ASZ1: variants seen among roughly 807,000 people sequenced by gnomAD.
The protein encoded by ASZ1 is ankyrin repeat, SAM and basic leucine zipper domain containing 1, also known as ankyrin repeat, SAM and basic leucine zipper domain-containing protein 1.
A neutral mutation model predicts 61.8 loss-of-function variants in ASZ1; 67 were observed. The observed-to-expected ratio is 1.08, with a 90% CI of 0.89 to 1.33. The LOEUF (loss-of-function observed/expected upper bound fraction) is 1.33. ASZ1 is among the 40% of genes most tolerant of loss of function. ASZ1 has a pLI of 0.00. For missense variants in ASZ1, 577 were observed against 554.5 expected (o/e 1.04, Z -0.41); for synonymous variants, 193 against 192.7 (o/e 1.00, Z -0.01).
intron 10 of ASZ1, among the ~76,000 whole-genome samples, chr7:117,368,944 T>C (rs1490346261): frequency 2.6e-5 from 4 of 152,138 alleles, no homozygotes; most frequent in African/African-American, 9.7e-5. Flanking sequence ...GATATACAAT[T>C]ACAGCTTTAT....
chr7:117,422,802 C>T (rs1797124067), intron 2 of ASZ1, among the ~76,000 whole-genome samples: 1 of 152,014 alleles, frequency 6.6e-6, no homozygotes, highest in Non-Finnish European at 1.5e-5. Context: ...CTAAACTTAC[C>T]CATGGGTGAC....
At chr7:117,417,885 C>G (rs1166454274) in intron 4 of ASZ1, among the ~76,000 whole-genome samples, 1 of 152,162 alleles carries the variant, frequency 6.6e-6, no homozygotes, top group Non-Finnish European at 1.5e-5. Context: ...CTTTCAAATT[C>G]ATCTGCTCAT....
intron 4 of ASZ1, among the ~76,000 whole-genome samples, chr7:117,400,074 A>G (rs1281447169): frequency 6.6e-6 from 1 of 152,168 alleles, no homozygotes; most frequent in East Asian, 1.9e-4. Flanking sequence ...TATTTTCACA[A>G]TGATGTATTT....
Position 117,368,654 on chromosome 7 carries a change from A to G in ASZ1, c.1119T>C (p.Ala373=). ...GTAACTCAGTAATAACATTCTGTAC[A>G]GCTGTTATTAAATGGCCACACTGTT... The part of the protein sequence containing the change: ...LNKQCGHLIT[A]VQNVITELPV... The change falls in exon 11 of 13, where the codon GCT becomes GCC. Residue 373 remains alanine (A), a synonymous_variant. Coordinates refer to ENST00000284629, the MANE Select transcript of ASZ1 (RefSeq NM_130768.3). 1 of 1,612,976 alleles carries G rather than the reference A, an allele frequency of 6.2e-7. No homozygotes were observed. The highest frequency in any genetic ancestry group is 8.5e-7 in the Non-Finnish European group (1 of 1,179,436).
At position 117,387,144 on chromosome 7, in the gene ASZ1, T is replaced by TAA. The variant is rs577384608; in HGVS notation, c.441-1337_441-1336dup. On this transcript the variant is annotated intron_variant, in intron 4 of 12. Coordinates refer to ENST00000284629, the MANE Select transcript of ASZ1 (RefSeq NM_130768.3). Reference sequence around the variant, plus strand: ...GGAAAGCCCTGCCTCTACCTCTACTTAAAAAAAAAAAAAAAAAAAAATTAG... The same window carrying TAA: ...GGAAAGCCCTGCCTCTACCTCTACTTAAAAAAAAAAAAAAAAAAAAAAATTAG... Among the ~76,000 whole-genome samples, 783 of 121,770 alleles carry TAA rather than the reference T, an allele frequency of 6.4e-3. 2 individuals carry two copies. Among genetic ancestry groups the TAA allele is most frequent in the Middle Eastern group, 0.025 (6 of 244 alleles). The allele number at this position is 121,770 out of a possible 152,430, so 79.9% of individuals were successfully genotyped here.
chr7:117,405,408 C>T (rs1796763297), intron 4 of ASZ1, among the ~76,000 whole-genome samples: 1 of 152,234 alleles, frequency 6.6e-6, no homozygotes. Context: ...CCTCAGCCTC[C>T]ACGGCTCCTC....
At chr7:117,386,867 A>C (rs1796366971) in intron 4 of ASZ1, among the ~76,000 whole-genome samples, 1 of 152,110 alleles carries the variant, frequency 6.6e-6, no homozygotes, top group Non-Finnish European at 1.5e-5. Context: ...TGAATGTTTT[A>C]TGTGAAATTA....
intron 4 of ASZ1, among the ~76,000 whole-genome samples, chr7:117,414,393 T>C (rs568887650): frequency 9.8e-5 from 15 of 152,346 alleles, no homozygotes; most frequent in African/African-American, 3.6e-4. Flanking sequence ...TTGGGTGCAA[T>C]ATAAACTTTA....
chr7:117,387,024 G>C (rs1796369409), intron 4 of ASZ1, among the ~76,000 whole-genome samples: 1 of 151,788 alleles, frequency 6.6e-6, no homozygotes, highest in Non-Finnish European at 1.5e-5. Flanking sequence ...CAACTAGCCA[G>C]GTGTGGTGGC....
At chr7:117,391,192 G>A (rs145701038) in intron 4 of ASZ1, among the ~76,000 whole-genome samples, 333 of 150,736 alleles carry the variant, frequency 2.2e-3, no homozygotes, top group African/African-American at 7.4e-3. Context: ...TTTTCTTATC[G>A]ATTTAAGTTC....
intron 10 of ASZ1, among the ~76,000 whole-genome samples, chr7:117,371,361 C>T (rs1441205676): frequency 6.6e-6 from 1 of 152,064 alleles, no homozygotes; most frequent in Non-Finnish European, 1.5e-5. Context: ...AACAATTTCA[C>T]TTTAACAGTT....
chr7:117,368,127 A>C (rs1795978629), intron 11 of ASZ1: 1 of 525,594 alleles, frequency 1.9e-6, no homozygotes, highest in South Asian at 8.2e-5. Flanking sequence ...GGGTCTCACC[A>C]TGCTGCTCAG....
intron 12 of ASZ1, 24 bp from the exon 13 acceptor site, chr7:117,363,772 AAAGAG>A (rs1172203802): frequency 1.3e-6 from 2 of 1,537,756 alleles, no homozygotes; most frequent in African/African-American, 2.8e-5. Context: ...TGGAAAAAGA[AAAGAG>A]GAGTTACTGT....
At chr7:117,375,799 T>C (rs560397397) in intron 10 of ASZ1, among the ~76,000 whole-genome samples, 4 of 151,972 alleles carry the variant, frequency 2.6e-5, no homozygotes, top group South Asian at 4.1e-4. Context: ...GATCACACAA[T>C]GTATCACAAT....
intron 4 of ASZ1, among the ~76,000 whole-genome samples, chr7:117,398,922 A>G (rs1796624295): frequency 6.6e-6 from 1 of 152,134 alleles, no homozygotes; most frequent in Non-Finnish European, 1.5e-5. Context: ...GCTAACTCCT[A>G]CTTATCCTTC....
At chr7:117,401,018 C>A (rs539222669) in intron 4 of ASZ1, among the ~76,000 whole-genome samples, 1 of 152,182 alleles carries the variant, frequency 6.6e-6, no homozygotes, top group Admixed American at 6.5e-5. Flanking sequence ...CCAAAAGCTA[C>A]CAGGCATCGT....
chr7:117,423,788 C>A (rs549269160), intron 2 of ASZ1, among the ~76,000 whole-genome samples: 2 of 148,906 alleles, frequency 1.3e-5, no homozygotes, highest in Non-Finnish European at 3.0e-5. Flanking sequence ...CGTGAACACA[C>A]GAGGCAGAGC....
chr7:117,398,147 C>T (rs1796610887), intron 4 of ASZ1, among the ~76,000 whole-genome samples: 1 of 152,212 alleles, frequency 6.6e-6, no homozygotes, highest in Non-Finnish European at 1.5e-5. Flanking sequence ...CTGCTTAAAA[C>T]ACTCCTATCC....
At chr7:117,426,026 G>A (rs1797203537) in intron 2 of ASZ1, among the ~76,000 whole-genome samples, 1 of 151,946 alleles carries the variant, frequency 6.6e-6, no homozygotes, top group South Asian at 2.1e-4. Flanking sequence ...GAAATCTGAT[G>A]CTCTCAAAGT....
Sources: allele counts gnomAD v4.1 joint callset (sites outside exome capture counted in the v4.1 genomes callset), GRCh38; gene constraint gnomAD v4.1.1; transcripts MANE v1.5; gene names NCBI Gene and HGNC (gene_info 2026-07-23, HGNC 2026-07-21).